FBXL17: variants seen among roughly 807,000 people sequenced by gnomAD.
FBXL17 encodes the protein F-box and leucine rich repeat protein 17, also known as F-box/LRR-repeat protein 17.
A neutral mutation model predicts 66.2 loss-of-function variants in FBXL17; 22 were observed. The observed-to-expected ratio is 0.33, with a 90% CI of 0.24 to 0.47. The LOEUF (loss-of-function observed/expected upper bound fraction) is 0.47. Among genes scored for constraint, FBXL17 ranks in the 20% least tolerant of loss-of-function variants. FBXL17 has a pLI of 1.00. For missense variants in FBXL17, 878 were observed against 948.2 expected (o/e 0.93, Z 0.97); for synonymous variants, 474 against 400.5 (o/e 1.18, Z -2.19).
At chr5:107,992,013 C>T (rs574254852) in intron 7 of FBXL17, among the ~76,000 whole-genome samples, 4 of 152,016 alleles carry the variant, frequency 2.6e-5, no homozygotes, top group Admixed American at 6.6e-5. Context: ...AGGGGACCAA[C>T]GGATTATGAC....
At chr5:108,299,184 T>C (rs570604352) in intron 4 of FBXL17, 176 of 984,470 alleles carry the variant, frequency 1.8e-4, no homozygotes, top group Non-Finnish European at 2.1e-4. Flanking sequence ...TTTAAACAAA[T>C]GGCAGAGTTG....
At chr5:107,939,403 C>CT (rs1445459991) in intron 7 of FBXL17, among the ~76,000 whole-genome samples, 2 of 152,094 alleles carry the variant, frequency 1.3e-5, no homozygotes, top group African/African-American at 4.8e-5. Flanking sequence ...TCTCTGTCCT[C>CT]TTTCTCAATC....
At chr5:107,936,041 A>T (rs1443098139) in intron 7 of FBXL17, among the ~76,000 whole-genome samples, 1 of 152,186 alleles carries the variant, frequency 6.6e-6, no homozygotes, top group Admixed American at 6.6e-5. Context: ...CCATATATTA[A>T]TAATACTGTA....
intron 4 of FBXL17, among the ~76,000 whole-genome samples, chr5:108,280,444 A>G (rs1420189880): frequency 6.6e-6 from 1 of 152,128 alleles, no homozygotes; most frequent in Non-Finnish European, 1.5e-5. Context: ...TTTTACAAGA[A>G]ATGCTCAAGG....
chr5:108,246,809 C>T (rs1286301366), intron 4 of FBXL17, among the ~76,000 whole-genome samples: 1 of 152,104 alleles, frequency 6.6e-6, no homozygotes, highest in African/African-American at 2.4e-5. Flanking sequence ...GGAGGAAATA[C>T]CTAAATTTTC....
At chr5:108,358,535 A>G (rs980002434) in intron 3 of FBXL17, among the ~76,000 whole-genome samples, 4 of 152,122 alleles carry the variant, frequency 2.6e-5, no homozygotes, top group Non-Finnish European at 5.9e-5. Context: ...TGGATAAATC[A>G]TAGTAGGTTA....
intron 4 of FBXL17, among the ~76,000 whole-genome samples, chr5:108,226,670 A>T (rs1021871420): frequency 1.3e-5 from 2 of 152,296 alleles, no homozygotes; most frequent in Non-Finnish European, 2.9e-5. Flanking sequence ...TAACAGCTCA[A>T]TCAGTAGACT....
chr5:107,990,166 A>G (rs1753184676), intron 7 of FBXL17, among the ~76,000 whole-genome samples: 1 of 152,206 alleles, frequency 6.6e-6, no homozygotes, highest in African/African-American at 2.4e-5. Context: ...GGTAAATTCA[A>G]GATCCCTAAC....
At chr5:108,128,246 TA>T (rs36090862) in intron 6 of FBXL17, among the ~76,000 whole-genome samples, 4,516 of 145,446 alleles carry the variant, frequency 0.031, 201 homozygotes, top group African/African-American at 0.1. Flanking sequence ...ACTCCATCTT[TA>T]AAAAAAAAAA....
chr5:108,137,637 C>T (rs1561428492), intron 6 of FBXL17, among the ~76,000 whole-genome samples: 1 of 152,116 alleles, frequency 6.6e-6, no homozygotes, highest in Non-Finnish European at 1.5e-5. Context: ...AGAAAATGTA[C>T]TGTACTTGTG....
intron 3 of FBXL17, among the ~76,000 whole-genome samples, chr5:108,348,742 C>G (rs1332051689): frequency 6.6e-6 from 1 of 152,154 alleles, no homozygotes; most frequent in Non-Finnish European, 1.5e-5. Context: ...TCAACCAACT[C>G]ACATTACAAG....
At chr5:108,081,854 A>G (rs569319354) in intron 6 of FBXL17, among the ~76,000 whole-genome samples, 2 of 151,902 alleles carry the variant, frequency 1.3e-5, no homozygotes, top group South Asian at 4.1e-4. Flanking sequence ...ACCTGCTCTC[A>G]TCCAGCTTCC....
chr5:108,229,973 C>T (rs936574095), intron 4 of FBXL17, among the ~76,000 whole-genome samples: 2 of 152,090 alleles, frequency 1.3e-5, no homozygotes, highest in Non-Finnish European at 2.9e-5. Context: ...AAAAAATGCT[C>T]AACATCACTA....
At chr5:108,330,072 C>CA (rs1351636974) in intron 4 of FBXL17, among the ~76,000 whole-genome samples, 1 of 151,964 alleles carries the variant, frequency 6.6e-6, no homozygotes, top group African/African-American at 2.4e-5. Context: ...TATGGGGTTA[C>CA]AAAAAAATAA....
intron 7 of FBXL17, among the ~76,000 whole-genome samples, chr5:107,897,336 T>C (rs991981799): frequency 6.6e-6 from 1 of 152,168 alleles, no homozygotes; most frequent in Non-Finnish European, 1.5e-5. Context: ...TGTAGTTGAA[T>C]TCATGATCAA....
chr5:108,338,130 A>C (rs1438421825), intron 4 of FBXL17, among the ~76,000 whole-genome samples: 1 of 152,140 alleles, frequency 6.6e-6, no homozygotes, highest in Admixed American at 6.5e-5. Flanking sequence ...AAATACTTAG[A>C]ATAAATATTA....
chr5:108,192,401 C>T (rs1753502855), intron 5 of FBXL17, among the ~76,000 whole-genome samples: 1 of 152,064 alleles, frequency 6.6e-6, no homozygotes, highest in African/African-American at 2.4e-5. Context: ...TGTAGGTAAT[C>T]ATCTTTCAGT....
At chr5:108,315,738 T>C (rs1225978734) in intron 4 of FBXL17, among the ~76,000 whole-genome samples, 1 of 151,512 alleles carries the variant, frequency 6.6e-6, no homozygotes, top group Non-Finnish European at 1.5e-5. Flanking sequence ...CAACTGAAAT[T>C]AGGCTTGCTA....
At chr5:108,036,277 T>C (rs1393258203) in intron 6 of FBXL17, among the ~76,000 whole-genome samples, 1 of 152,218 alleles carries the variant, frequency 6.6e-6, no homozygotes, top group Non-Finnish European at 1.5e-5. Flanking sequence ...ATTACAAAGA[T>C]GGTTTCTCAA....
Sources: gnomAD v4.1 joint callset for allele counts (sites outside exome capture counted in the v4.1 genomes callset) on GRCh38, gnomAD v4.1.1 for gene constraint, MANE v1.5 for transcripts, NCBI Gene and HGNC (gene_info 2026-07-23, HGNC 2026-07-21) for gene names.